The following CSMD1 variants were observed in gnomAD, a reference collection of about 807,000 sequenced individuals.
CSMD1 encodes the protein CUB and Sushi multiple domains 1.
Under a neutral mutation model 417.5 loss-of-function variants are expected in CSMD1, and 213 were observed. The observed-to-expected ratio is 0.51, with a 90% CI of 0.46 to 0.57. The LOEUF (loss-of-function observed/expected upper bound fraction) is 0.57. CSMD1 is among the 20% of genes least tolerant of loss of function. The pLI is 0.00. For synonymous variants in CSMD1, 2,862 were observed against 1,736.8 expected (o/e 1.65, Z -16.11); for missense variants, 6,923 against 4,529.7 (o/e 1.53, Z -15.17).
chr8:3,954,160 A>T (rs961054070), intron 5 of CSMD1, among the ~76,000 whole-genome samples: 5 of 152,122 alleles, frequency 3.3e-5, no homozygotes, highest in Non-Finnish European at 7.4e-5. Context: ...GTCTGTAGAA[A>T]CTTCAGCCCT....
chr8:3,378,214 C>G (rs1228862439), intron 18 of CSMD1, among the ~76,000 whole-genome samples: 2 of 152,120 alleles, frequency 1.3e-5, no homozygotes, highest in African/African-American at 4.8e-5. Flanking sequence ...AGTCGAATCC[C>G]TGAATAGACC....
At chr8:3,502,055 A>G (rs1796623411) in intron 10 of CSMD1, among the ~76,000 whole-genome samples, 1 of 152,198 alleles carries the variant, frequency 6.6e-6, no homozygotes, top group Non-Finnish European at 1.5e-5. Context: ...AAATAATGAA[A>G]TAATCATATA....
intron 3 of CSMD1, among the ~76,000 whole-genome samples, chr8:4,345,872 C>G (rs1584933437): frequency 6.6e-6 from 1 of 152,140 alleles, no homozygotes; most frequent in East Asian, 1.9e-4. Context: ...CATGCACTGA[C>G]AGGCAGACAG....
At chr8:4,699,937 T>A (rs1807409446) in intron 1 of CSMD1, among the ~76,000 whole-genome samples, 1 of 152,186 alleles carries the variant, frequency 6.6e-6, no homozygotes, top group Non-Finnish European at 1.5e-5. Context: ...ATACACAAGC[T>A]AGGATTAGAA....
At chr8:4,973,561 A>G (rs1188072709) in intron 1 of CSMD1, among the ~76,000 whole-genome samples, 3 of 152,204 alleles carry the variant, frequency 2.0e-5, no homozygotes, top group African/African-American at 7.2e-5. Flanking sequence ...GTAAAGACTC[A>G]AAAACATCTC....
In CSMD1 at chr8:4,994,436, G is replaced by A; in HGVS notation, c.-20C>T. ...AGTCATGTCTGCAGATACTCCACAC[G>A]CACGCGACACCGATGGCTCCTCCGA... On this transcript the variant is annotated 5_prime_UTR_variant, in exon 1 of 70. Coordinates refer to ENST00000635120, the MANE Select transcript of CSMD1 (RefSeq NM_033225.6). 4 of 1,601,990 alleles carry A rather than the reference G, an allele frequency of 2.5e-6. No homozygotes were observed. Among genetic ancestry groups the A allele is most frequent in the African/African-American group, 1.3e-5 (1 of 74,854 alleles).
chr8:3,708,366 T>C (rs374110097), intron 7 of CSMD1, 48 bp downstream of exon 7: 4 of 1,518,796 alleles, frequency 2.6e-6, no homozygotes, highest in Non-Finnish European at 1.8e-6. Context: ...TTCTCTCCTC[T>C]GCTTACAAGG....
At chr8:4,614,405 G>A (rs755186390) in intron 2 of CSMD1, among the ~76,000 whole-genome samples, 2 of 152,082 alleles carry the variant, frequency 1.3e-5, no homozygotes, top group South Asian at 2.1e-4. Context: ...CAGATATTAA[G>A]GTCAGAAAAT....
chr8:3,538,803 G>C (rs1015183851), intron 10 of CSMD1, among the ~76,000 whole-genome samples: 5 of 152,134 alleles, frequency 3.3e-5, no homozygotes, highest in East Asian at 1.9e-4. Context: ...CTTGCACCAA[G>C]AGCCTGGTGG....
At chr8:3,634,568 T>C (rs1226009490) in intron 7 of CSMD1, among the ~76,000 whole-genome samples, 1 of 152,138 alleles carries the variant, frequency 6.6e-6, no homozygotes, top group African/African-American at 2.4e-5. Context: ...CTTTTCACTG[T>C]CACAAGCCAT....
At chr8:3,606,414 G>C (rs1283643608) in intron 8 of CSMD1, among the ~76,000 whole-genome samples, 1 of 152,156 alleles carries the variant, frequency 6.6e-6, no homozygotes, top group African/African-American at 2.4e-5. Flanking sequence ...GAACACAATG[G>C]TAAGTGTTCG....
rs2688316 is a variant in CSMD1, at chr8:3,925,496, G to A, written c.818+72407C>T. ...TCATAATGCTGGGTGGTAAGACACT[G>A]ATGCGGTTTGGCTGGGTCCCCACTC... On this transcript the variant is annotated intron_variant, in intron 5 of 69. Transcript: ENST00000635120. Among the ~76,000 whole-genome samples, 1,388 of 152,286 alleles carry A rather than the reference G, an allele frequency of 9.1e-3. 24 individuals carry two copies. The highest frequency in any genetic ancestry group is 0.032 in the African/African-American group (1,336 of 41,540).
chr8:4,352,891 A>C (rs1176423818), intron 3 of CSMD1, among the ~76,000 whole-genome samples: 3 of 152,234 alleles, frequency 2.0e-5, no homozygotes, highest in African/African-American at 7.2e-5. Flanking sequence ...TAATTACCTC[A>C]GAAAATGACA....
At chr8:4,304,704 T>C (rs1246509542) in intron 3 of CSMD1, among the ~76,000 whole-genome samples, 1 of 151,962 alleles carries the variant, frequency 6.6e-6, no homozygotes, top group Non-Finnish European at 1.5e-5. Flanking sequence ...ATGATGCCCC[T>C]CCCTACAAGG....
chr8:3,092,786 A>T (rs1020433522), intron 47 of CSMD1, among the ~76,000 whole-genome samples: 1 of 152,186 alleles, frequency 6.6e-6, no homozygotes, highest in African/African-American at 2.4e-5. Flanking sequence ...GCTTGCCAAC[A>T]ACGCTACTCT....
At chr8:3,487,151 C>G (rs1445978478) in intron 11 of CSMD1, among the ~76,000 whole-genome samples, 2 of 152,154 alleles carry the variant, frequency 1.3e-5, no homozygotes, top group Non-Finnish European at 2.9e-5. Context: ...ATTCCAGTAA[C>G]TGGGCCGCTC....
chr8:3,952,720 T>C (rs369671235), intron 5 of CSMD1, among the ~76,000 whole-genome samples: 4 of 152,336 alleles, frequency 2.6e-5, no homozygotes, highest in African/African-American at 2.4e-5. Flanking sequence ...TGTCACTGAA[T>C]TGGACATTTT....
chr8:4,392,990 A>G (rs147408531), intron 3 of CSMD1, among the ~76,000 whole-genome samples: 11 of 151,894 alleles, frequency 7.2e-5, no homozygotes, highest in African/African-American at 2.4e-4. Context: ...ACAAACAAAA[A>G]AGAGAGATGG....
intron 1 of CSMD1, among the ~76,000 whole-genome samples, chr8:4,659,454 C>CA (rs977621770): frequency 2.7e-4 from 41 of 152,262 alleles, no homozygotes; most frequent in African/African-American, 9.9e-4. Context: ...GAATACCACT[C>CA]AGTCACAAAT....
Sources: gnomAD v4.1 joint callset for allele counts (sites outside exome capture counted in the v4.1 genomes callset) on GRCh38, gnomAD v4.1.1 for gene constraint, MANE v1.5 for transcripts, NCBI Gene and HGNC (gene_info 2026-07-23, HGNC 2026-07-21) for gene names.